The following RNF180 variants were observed in gnomAD, a reference collection of about 807,000 sequenced individuals.
RNF180 encodes the protein ring finger protein 180.
A neutral mutation model predicts 59.2 loss-of-function variants in RNF180; 38 were observed. The ratio of observed to expected loss-of-function variants is 0.64; its 90% confidence interval spans 0.50 to 0.84. RNF180 has a LOEUF of 0.84. Among genes scored for constraint, RNF180 ranks in the 40% least tolerant of loss-of-function variants. The pLI is 0.00. For missense variants in RNF180, 705 were observed against 700.9 expected (o/e 1.01, Z -0.07); for synonymous variants, 262 against 240.3 (o/e 1.09, Z -0.84).
Position 64,225,775 on chromosome 5 carries a change from T to A in RNF180, c.1227+8379T>A, listed in dbSNP as rs551246073. On this transcript the variant is annotated intron_variant, in intron 5 of 7. Transcript: ENST00000389100. ...CTTCGTCTGAGATGTGAGGAGCACC[T>A]CTGCCCAGCCTCCCTTTGGCTGGGA... 3.3e-3 allele frequency among the ~76,000 whole-genome samples: 445 copies of A among 135,050 alleles called. 2 individuals are homozygous for A. The highest frequency in any genetic ancestry group is 0.012 in the African/African-American group (430 of 34,842). 88.6% of individuals were successfully genotyped at this position (135,050 alleles called of 152,430 possible).
intron 5 of RNF180, among the ~76,000 whole-genome samples, chr5:64,261,177 C>T (rs979444304): frequency 7.9e-5 from 12 of 152,252 alleles, no homozygotes; most frequent in Admixed American, 2.0e-4. Context: ...ATCATATCTA[C>T]GTACAACATC....
At chr5:64,347,482 G>T (rs1745600755) in intron 7 of RNF180, among the ~76,000 whole-genome samples, 1 of 152,124 alleles carries the variant, frequency 6.6e-6, no homozygotes, top group Admixed American at 6.6e-5. Context: ...ATGATCAGAA[G>T]ACAAGCTTAA....
intron 5 of RNF180, among the ~76,000 whole-genome samples, chr5:64,222,550 G>A (rs1741410566): frequency 6.6e-6 from 1 of 152,200 alleles, no homozygotes; most frequent in Admixed American, 6.5e-5. Flanking sequence ...ATGACAACAG[G>A]TGTGAAATGC....
chr5:64,217,511 C>CACTG, intron 5 of RNF180, 115 bp downstream of exon 5: 2 of 1,284,278 alleles, frequency 1.6e-6, no homozygotes, highest in Non-Finnish European at 2.0e-6. Flanking sequence ...TGAAAGCAAG[C>CACTG]ACTGGTATTC....
At chr5:64,356,235 C>T (rs1275024568) in intron 7 of RNF180, among the ~76,000 whole-genome samples, 3 of 151,340 alleles carry the variant, frequency 2.0e-5, no homozygotes, top group African/African-American at 4.9e-5. Flanking sequence ...GCACTACAGC[C>T]TGGCTGACAG....
intron 5 of RNF180, among the ~76,000 whole-genome samples, chr5:64,258,764 A>G (rs1744142784): frequency 1.3e-5 from 2 of 152,212 alleles, no homozygotes; most frequent in African/African-American, 4.8e-5. Flanking sequence ...CTTAGATAAT[A>G]ACTGATTAGT....
chr5:64,273,685 G>C (rs1042581768), intron 5 of RNF180, among the ~76,000 whole-genome samples: 6 of 151,816 alleles, frequency 4.0e-5, no homozygotes, highest in African/African-American at 1.4e-4. Context: ...AGAAAACTAA[G>C]AAAAAAAGTA....
intron 1 of RNF180, among the ~76,000 whole-genome samples, chr5:64,189,198 T>C (rs1273843136): frequency 6.6e-6 from 1 of 151,970 alleles, no homozygotes; most frequent in Admixed American, 6.6e-5. Flanking sequence ...TATGGTATTG[T>C]GTTATGGTAG....
At chr5:64,186,663 G>A (rs1439652830) in intron 1 of RNF180, among the ~76,000 whole-genome samples, 1 of 151,904 alleles carries the variant, frequency 6.6e-6, no homozygotes, top group Non-Finnish European at 1.5e-5. Context: ...CTTCTTTACT[G>A]TATCTTTATG....
intron 1 of RNF180, among the ~76,000 whole-genome samples, chr5:64,196,203 T>TC (rs200396068): frequency 0.017 from 2,488 of 148,270 alleles, 73 homozygotes; most frequent in African/African-American, 0.06. Flanking sequence ...TTTTTTTTTT[T>TC]CCCACCATTA....
chr5:64,265,470 T>A (rs1043832006), intron 5 of RNF180, among the ~76,000 whole-genome samples: 4 of 152,182 alleles, frequency 2.6e-5, no homozygotes, highest in African/African-American at 9.7e-5. Context: ...CCAACACAAT[T>A]TATTAAATAG....
intron 5 of RNF180, among the ~76,000 whole-genome samples, chr5:64,249,930 A>G (rs747757154): frequency 1.3e-4 from 20 of 152,150 alleles, no homozygotes; most frequent in Non-Finnish European, 2.5e-4. Context: ...TCAATAAGGA[A>G]ACATAAAACT....
intron 1 of RNF180, among the ~76,000 whole-genome samples, chr5:64,198,076 A>G (rs1400976110): frequency 6.6e-6 from 1 of 152,228 alleles, no homozygotes; most frequent in East Asian, 1.9e-4. Context: ...CCTTACCTAT[A>G]AAGCCACATA....
At chr5:64,231,124 A>G (rs1422676262) in intron 5 of RNF180, among the ~76,000 whole-genome samples, 1 of 152,216 alleles carries the variant, frequency 6.6e-6, no homozygotes, top group Non-Finnish European at 1.5e-5. Flanking sequence ...GGTAAAAGGT[A>G]TGGCACTAAA....
intron 5 of RNF180, among the ~76,000 whole-genome samples, chr5:64,321,712 TC>T (rs1202823414): frequency 6.6e-6 from 1 of 151,870 alleles, no homozygotes; most frequent in East Asian, 1.9e-4. Flanking sequence ...GCCAAGACAA[TC>T]CTAAGCAAAA....
chr5:64,252,972 G>C (rs897855657), intron 5 of RNF180, among the ~76,000 whole-genome samples: 3 of 151,800 alleles, frequency 2.0e-5, no homozygotes, highest in Non-Finnish European at 4.4e-5. Context: ...TGTTTGCTCT[G>C]TACCTCCCCG....
chr5:64,290,618 T>C (rs1367096441), intron 5 of RNF180, among the ~76,000 whole-genome samples: 1 of 152,216 alleles, frequency 6.6e-6, no homozygotes, highest in African/African-American at 2.4e-5. Context: ...AATTGAACCA[T>C]TTACCATTGT....
chr5:64,187,053 A>G (rs1750907073), intron 1 of RNF180, among the ~76,000 whole-genome samples: 1 of 152,198 alleles, frequency 6.6e-6, no homozygotes, highest in Non-Finnish European at 1.5e-5. Flanking sequence ...AACTAATCAG[A>G]ACACATGTCT....
At chr5:64,365,734 C>T (rs1746423451) in intron 7 of RNF180, among the ~76,000 whole-genome samples, 2 of 151,366 alleles carry the variant, frequency 1.3e-5, no homozygotes, top group Non-Finnish European at 3.0e-5. Flanking sequence ...TATGTAATGC[C>T]CCTCTTTGTC....
Sources: gnomAD v4.1 joint callset for allele counts (sites outside exome capture counted in the v4.1 genomes callset) on GRCh38, gnomAD v4.1.1 for gene constraint, MANE v1.5 for transcripts, NCBI Gene and HGNC (gene_info 2026-07-23, HGNC 2026-07-21) for gene names.